PARP8: variants seen among roughly 807,000 people sequenced by gnomAD.
PARP8 encodes the protein protein mono-ADP-ribosyltransferase PARP8.
A neutral mutation model predicts 124.1 loss-of-function variants in PARP8; 51 were observed. The observed-to-expected ratio is 0.41, with a 90% confidence interval of 0.33 to 0.52. The LOEUF is 0.52. PARP8 is among the 20% of genes least tolerant of loss of function. The pLI, the probability that PARP8 is intolerant of heterozygous loss-of-function variation, is 0.21. For synonymous variants in PARP8, 391 were observed against 361.5 expected (o/e 1.08, Z -0.93); for missense variants, 860 against 1,018.9 (o/e 0.84, Z 2.12).
intron 2 of PARP8, among the ~76,000 whole-genome samples, chr5:50,748,776 T>C (rs1362914461): frequency 6.6e-6 from 1 of 152,214 alleles, no homozygotes; most frequent in African/African-American, 2.4e-5. Context: ...TACATTTGGT[T>C]TTCAGCAGTT....
intron 2 of PARP8, among the ~76,000 whole-genome samples, chr5:50,748,193 TTGTGTGTG>T (rs56898029): frequency 6.7e-6 from 1 of 150,098 alleles, no homozygotes; most frequent in African/African-American, 2.4e-5. Context: ...TTTAAGCAGT[TTGTGTGTG>T]TGTGTGTGTG....
chr5:50,795,534 T>C, intron 12 of PARP8, 117 bp downstream of exon 12: 1 of 833,036 alleles, frequency 1.2e-6, no homozygotes, highest in Non-Finnish European at 1.8e-6. Context: ...ATTTACTGTT[T>C]TTTTAAAATC....
rs1171088388 is a variant in PARP8, at chr5:50,793,347, A to T, written c.738-860A>T. Among the ~76,000 whole-genome samples, 3 of 152,290 alleles carry T rather than the reference A, an allele frequency of 2.0e-5. No homozygotes were observed. The East Asian group carries it at 5.8e-4, about 29-fold the overall frequency. On this transcript the variant is annotated intron_variant, in intron 10 of 25. Transcript: ENST00000281631. ...TGTTTAATTGTAAAATTTCATGTCT[A>T]CTTAAGTATTAGTGTTGAGGGCCAC...
intron 15 of PARP8, among the ~76,000 whole-genome samples, chr5:50,817,018 A>G (rs775516039): frequency 2.8e-4 from 43 of 152,198 alleles, no homozygotes; most frequent in Non-Finnish European, 5.3e-4. Context: ...GTATGTGCAT[A>G]TATGTTAAAA....
intron 2 of PARP8, among the ~76,000 whole-genome samples, chr5:50,678,259 T>C (rs762163650): frequency 5.3e-5 from 8 of 152,196 alleles, no homozygotes; most frequent in Non-Finnish European, 1.2e-4. Context: ...CTGCAGTACT[T>C]ACATAAAACA....
At chr5:50,840,215 A>G (rs188515506) in intron 25 of PARP8, among the ~76,000 whole-genome samples, 34 of 151,976 alleles carry the variant, frequency 2.2e-4, no homozygotes, top group African/African-American at 8.2e-4. Flanking sequence ...GTTTGATTCG[A>G]TTCGATTCAA....
At chr5:50,812,420 G>A (rs145431540) in intron 14 of PARP8, among the ~76,000 whole-genome samples, 10,201 of 152,208 alleles carry the variant, frequency 0.067, 382 homozygotes, top group Middle Eastern at 0.11. Flanking sequence ...CGTATCCTTC[G>A]CCCACTTTTT....
chr5:50,678,618 T>C (rs1310664824), intron 2 of PARP8, among the ~76,000 whole-genome samples: 1 of 152,200 alleles, frequency 6.6e-6, no homozygotes, highest in African/African-American at 2.4e-5. Context: ...TCACGCTTGT[T>C]AACATAAACT....
chr5:50,803,118 G>A (rs1425153060), intron 14 of PARP8, among the ~76,000 whole-genome samples: 4 of 152,128 alleles, frequency 2.6e-5, no homozygotes, highest in African/African-American at 9.7e-5. Context: ...GATGGAGGAG[G>A]ATTTGTGCCG....
intron 15 of PARP8, among the ~76,000 whole-genome samples, chr5:50,817,794 T>C (rs1489142575): frequency 6.6e-6 from 1 of 152,170 alleles, no homozygotes; most frequent in African/African-American, 2.4e-5. Context: ...GACTTCCAGT[T>C]ATTAAAAGAC....
At chr5:50,744,312 G>T (rs1483273451) in intron 2 of PARP8, among the ~76,000 whole-genome samples, 1 of 152,108 alleles carries the variant, frequency 6.6e-6, no homozygotes, top group Non-Finnish European at 1.5e-5. Flanking sequence ...GGAAAAGGAT[G>T]GTAATGGAGT....
intron 2 of PARP8, among the ~76,000 whole-genome samples, chr5:50,747,158 G>GTTTTTTTTT (rs1370932889): frequency 2.4e-4 from 20 of 82,210 alleles, no homozygotes; most frequent in South Asian, 8.8e-4. Flanking sequence ...TTGTTTGTTT[G>GTTTTTTTTT]TTTTGTTTTT....
Position 50,778,052 on chromosome 5 carries a change from T to A in PARP8, c.519-17T>A. 6.3e-7 allele frequency: 1 copy of A among 1,590,014 alleles called. No individual in the cohort carries two copies. The highest frequency in any genetic ancestry group is 2.2e-5 in the East Asian group (1 of 44,506). On this transcript the variant is annotated splice_polypyrimidine_tract_variant and intron_variant, in intron 7 of 25. Transcript: ENST00000281631. The stretch of plus-strand genomic sequence containing the variant: ...CATCATTAAAATGAAAAAAACAGTG[T>A]TAATTTTTGCTTTCAGGGAATATGG...
At chr5:50,757,240 T>C (rs1760064958) in intron 3 of PARP8, 1 of 451,306 alleles carries the variant, frequency 2.2e-6, no homozygotes, top group Non-Finnish European at 4.5e-6. Flanking sequence ...ATAGATAAAT[T>C]CCTAGAGACC....
In PARP8 at chr5:50,829,917, G is replaced by T; in HGVS notation, c.2189G>T (p.Gly730Val). Residue 730 changes from glycine to valine, a missense_variant, in exon 22 of 26, where the codon GGA (glycine) becomes GTA (valine). By Grantham distance (109) the Gly-to-Val change is moderately radical. Transcript: ENST00000281631. Reference protein sequence around the residue: ...LQLHGAMYGSGIYLSPMSSIS... With the variant: ...LQLHGAMYGSVIYLSPMSSIS... ...CTCCATGGTGCAATGTATGGAAGTG[G>T]AATCTATCTTAGTCCAATGTCAAGC... is the stretch of plus-strand genomic sequence containing the variant. The T allele has an allele frequency of 6.2e-7, 1 of 1,609,428 alleles. No individual in the cohort carries two copies. Among genetic ancestry groups the T allele is most frequent in the Non-Finnish European group, 8.5e-7 (1 of 1,177,594 alleles).
chr5:50,768,469 A>G (rs1347828125), intron 7 of PARP8, among the ~76,000 whole-genome samples: 1 of 152,186 alleles, frequency 6.6e-6, no homozygotes, highest in African/African-American at 2.4e-5. Context: ...GGGAAAGAAC[A>G]TTTGTGGAGG....
intron 2 of PARP8, among the ~76,000 whole-genome samples, chr5:50,728,436 A>C (rs1424651554): frequency 6.6e-6 from 1 of 152,082 alleles, no homozygotes; most frequent in Non-Finnish European, 1.5e-5. Flanking sequence ...CATCATTTTC[A>C]TTTTTTTGTC....
intron 2 of PARP8, among the ~76,000 whole-genome samples, chr5:50,749,499 A>G (rs2149550513): frequency 6.6e-6 from 1 of 152,290 alleles, no homozygotes; most frequent in South Asian, 2.1e-4. Flanking sequence ...CATATGAGGT[A>G]AGTACATAGA....
At chr5:50,790,729 C>T (rs1410042516) in intron 10 of PARP8, among the ~76,000 whole-genome samples, 1 of 151,988 alleles carries the variant, frequency 6.6e-6, no homozygotes, top group Non-Finnish European at 1.5e-5. Context: ...AAGCTATGTG[C>T]CTTTTTCACT....
Sources: gnomAD v4.1 joint callset for allele counts (sites outside exome capture counted in the v4.1 genomes callset) on GRCh38, gnomAD v4.1.1 for gene constraint, MANE v1.5 for transcripts, NCBI Gene and HGNC (gene_info 2026-07-23, HGNC 2026-07-21) for gene names.